Variants in RASSF8 observed in about 807,000 individuals in gnomAD.
RASSF8 encodes the protein ras association domain-containing protein 8.
RASSF8 carries 22 observed loss-of-function variants against 48.5 expected under a neutral mutation model. That is an observed-to-expected ratio of 0.45 (90% CI 0.32 to 0.65). The LOEUF (loss-of-function observed/expected upper bound fraction) is 0.65, where lower values mean the gene tolerates loss of function less well. RASSF8 is among the 30% of genes least tolerant of loss of function. The pLI is 0.03. For synonymous variants in RASSF8, 127 were observed against 171.5 expected, an observed-to-expected ratio of 0.74 and a Z score of 2.03; for missense variants, 418 against 489.2, an observed-to-expected ratio of 0.85 and a Z score of 1.37.
At chr12:26,040,833 T>A (rs1943247930) in intron 2 of RASSF8, among the ~76,000 whole-genome samples, 1 of 152,106 alleles carries the variant, frequency 6.6e-6, no homozygotes, top group Non-Finnish European at 1.5e-5. Flanking sequence ...TAGACTATGA[T>A]TTTTGCGTAG....
intron 2 of RASSF8, among the ~76,000 whole-genome samples, chr12:26,029,620 A>G (rs1322974648): frequency 6.6e-6 from 1 of 152,134 alleles, no homozygotes; most frequent in African/African-American, 2.4e-5. Context: ...ATTGGCCTTA[A>G]TTTGAGATCC....
chr12:25,970,022 G>T (rs1319481416), intron 1 of RASSF8, among the ~76,000 whole-genome samples: 2 of 151,770 alleles, frequency 1.3e-5, no homozygotes, highest in Non-Finnish European at 2.9e-5. Flanking sequence ...CAGCAGGGAA[G>T]CCCACGAGCT....
downstream of RASSF8, among the ~76,000 whole-genome samples, chr12:26,073,631 C>G (rs1944038130): frequency 6.6e-6 from 1 of 151,866 alleles, no homozygotes; most frequent in African/African-American, 2.4e-5. Context: ...CCCAGCTACT[C>G]AGGAGGCTGA....
intron 2 of RASSF8, among the ~76,000 whole-genome samples, chr12:26,037,135 C>T (rs948239381): frequency 4.6e-5 from 7 of 152,068 alleles, no homozygotes; most frequent in Admixed American, 6.6e-5. Context: ...AGATTAAATT[C>T]GGATAATTGC....
intron 2 of RASSF8, among the ~76,000 whole-genome samples, chr12:26,053,447 C>T (rs746117237): frequency 2.0e-5 from 3 of 152,058 alleles, no homozygotes; most frequent in South Asian, 2.1e-4. Context: ...AAGTAGAGTG[C>T]CTCGCAGAAG....
chr12:26,001,954 T>A (rs924633156), intron 2 of RASSF8, among the ~76,000 whole-genome samples: 1 of 152,186 alleles, frequency 6.6e-6, no homozygotes, highest in African/African-American at 2.4e-5. Flanking sequence ...TACACCAGCA[T>A]CAGCACAGAC....
chr12:26,038,669 A>G (rs910605379), intron 2 of RASSF8, among the ~76,000 whole-genome samples: 1 of 150,468 alleles, frequency 6.6e-6, no homozygotes, highest in African/African-American at 2.4e-5. Context: ...TTAAAAGGGA[A>G]CATATTTAAT....
At chr12:25,983,812 C>A (rs116584292) in intron 1 of RASSF8, among the ~76,000 whole-genome samples, 1 of 152,198 alleles carries the variant, frequency 6.6e-6, no homozygotes, top group African/African-American at 2.4e-5. Flanking sequence ...AGTGAACAAC[C>A]AGTACAGTGT....
chr12:26,028,542 G>A (rs563699451), intron 2 of RASSF8, among the ~76,000 whole-genome samples: 8 of 152,170 alleles, frequency 5.3e-5, no homozygotes, highest in South Asian at 2.1e-4. Context: ...CCTTGGCCAC[G>A]TACATGAAAT....
intron 1 of RASSF8, among the ~76,000 whole-genome samples, chr12:25,988,021 T>A (rs1214828473): frequency 6.6e-6 from 1 of 150,532 alleles, no homozygotes; most frequent in Non-Finnish European, 1.5e-5. Context: ...CTGGCTAATT[T>A]TTTTTTTTTT....
chr12:26,065,904 A>T (rs774436693), intron 4 of RASSF8, among the ~76,000 whole-genome samples: 1 of 152,176 alleles, frequency 6.6e-6, no homozygotes, highest in Admixed American at 6.5e-5. Flanking sequence ...TCTAGTTCAC[A>T]TACGAGAAGT....
At chr12:26,035,441 A>AAGTATATGAAATTATATAATT (rs1320662815) in intron 2 of RASSF8, among the ~76,000 whole-genome samples, 9 of 23,786 alleles carry the variant, frequency 3.8e-4, no homozygotes, top group Non-Finnish European at 9.3e-4. Flanking sequence ...ATAATTATAT[A>AAGTATATGAAATTATATAATT]ATATAAGTAT....
chr12:26,003,030 G>T (rs1394525389), intron 2 of RASSF8, among the ~76,000 whole-genome samples: 1 of 152,048 alleles, frequency 6.6e-6, no homozygotes, highest in Non-Finnish European at 1.5e-5. Flanking sequence ...TTTATATATG[G>T]TGACATGGAT....
At chr12:26,013,282 G>GT (rs1348448089) in intron 2 of RASSF8, among the ~76,000 whole-genome samples, 1 of 152,154 alleles carries the variant, frequency 6.6e-6, no homozygotes, top group African/African-American at 2.4e-5. Flanking sequence ...GGCTTCTCTA[G>GT]TGATAGCCAC....
At chr12:26,035,391 T>TTATATAAG (rs1305067813) in intron 2 of RASSF8, among the ~76,000 whole-genome samples, 37 of 137,558 alleles carry the variant, frequency 2.7e-4, no homozygotes, top group Admixed American at 7.2e-4. Flanking sequence ...TATAATATAA[T>TTATATAAG]TATATGAAAT....
chr12:26,065,244 G>A lies in RASSF8; in HGVS notation c.850G>A (p.Ala284Thr). Residue 284 changes from alanine to threonine, a missense_variant, in exon 4 of 6, where the codon GCA becomes ACA. Physicochemically the swap from Ala to Thr is moderately conservative, Grantham distance 58. Transcript: ENST00000689635. ...AAAATTGCAACGGGAAGTTCAAGAG[G>A]CACAGGTCAATGAGGAAGAGGTTAA... ...AEKLQREVQE[A>T]QVNEEEVKGK... The A allele has an allele frequency of 1.9e-6, 3 of 1,614,150 alleles. No homozygotes were observed. The highest frequency in any genetic ancestry group is 2.2e-5 in the South Asian group (2 of 91,068).
chr12:25,996,290 T>C (rs1027421661), intron 2 of RASSF8, among the ~76,000 whole-genome samples: 1 of 152,222 alleles, frequency 6.6e-6, no homozygotes, highest in Admixed American at 6.5e-5. Context: ...AAGAAAAAAG[T>C]AATGTGCTAT....
At chr12:26,066,272 T>C (rs1366472560) in intron 4 of RASSF8, among the ~76,000 whole-genome samples, 1 of 152,188 alleles carries the variant, frequency 6.6e-6, no homozygotes, top group Admixed American at 6.5e-5. Context: ...GTGTAGTCCA[T>C]GCCAGGCAGC....
At chr12:25,959,602 T>G (rs575117613) in intron 1 of RASSF8, 1 of 152,260 alleles carries the variant, frequency 6.6e-6, no homozygotes, top group Non-Finnish European at 1.5e-5. Flanking sequence ...TCATTTGAAC[T>G]ATTAACCATC....
Sources: gnomAD v4.1 joint callset for allele counts (sites outside exome capture counted in the v4.1 genomes callset) on GRCh38, gnomAD v4.1.1 for gene constraint, MANE v1.5 for transcripts, NCBI Gene and HGNC (gene_info 2026-07-23, HGNC 2026-07-21) for gene names.